The following ADGRV1 variants were observed in gnomAD, a reference collection of about 807,000 sequenced individuals.
ADGRV1 encodes the protein adhesion G protein-coupled receptor V1, also known as G-protein coupled receptor 98.
In ADGRV1, 359 loss-of-function variants were observed where a neutral mutation model predicts 596.2. That is an observed-to-expected ratio of 0.60 (90% CI 0.55 to 0.66). The LOEUF (loss-of-function observed/expected upper bound fraction) is 0.66, where lower values mean the gene tolerates loss of function less well. Among genes scored for constraint, ADGRV1 ranks in the 30% least tolerant of loss-of-function variants. The probability of loss-of-function intolerance (pLI) is 0.00; values close to 1 mark genes in which losing one functional copy is unlikely to be tolerated. For synonymous variants in ADGRV1, 2,681 were observed against 2,679.2 expected (o/e 1.00, Z -0.02); for missense variants, 7,274 against 7,575.6 (o/e 0.96, Z 1.48).
Position 91,100,252 on chromosome 5 carries a change from T to C in ADGRV1, c.18311-1967T>C, listed in dbSNP as rs142007796. ...GCCGGGGCAACATGGCGAAACCCCATCTATACAAAAAGTACAAAAATTAAG... is the reference window on the plus strand; with the variant it reads ...GCCGGGGCAACATGGCGAAACCCCACCTATACAAAAAGTACAAAAATTAAG... On this transcript the variant is annotated intron_variant, in intron 86 of 89. Coordinates refer to ENST00000405460, the MANE Select transcript of ADGRV1 (RefSeq NM_032119.4). Among the ~76,000 whole-genome samples, 91 of 152,172 alleles carry C rather than the reference T, an allele frequency of 6.0e-4. 3 individuals carry two copies. In the East Asian group the frequency reaches 0.017, roughly 28 times the overall value.
intron 61 of ADGRV1, among the ~76,000 whole-genome samples, chr5:90,777,383 A>G (rs980519644): frequency 2.6e-5 from 4 of 152,176 alleles, no homozygotes; most frequent in Admixed American, 2.6e-4. Context: ...AGGGCCTATC[A>G]TATAACTAAA....
intron 53 of ADGRV1, among the ~76,000 whole-genome samples, chr5:90,751,725 T>TC (rs1208001118): frequency 6.6e-6 from 1 of 152,064 alleles, no homozygotes; most frequent in Middle Eastern, 3.2e-3. Flanking sequence ...CATGGAACTG[T>TC]CTCAAAAAAA....
chr5:90,967,868 C>A (rs1176559753), intron 84 of ADGRV1, among the ~76,000 whole-genome samples: 2 of 152,166 alleles, frequency 1.3e-5, no homozygotes, highest in Non-Finnish European at 2.9e-5. Flanking sequence ...TTAACAATAA[C>A]AACTACTGTA....
chr5:90,876,694 C>G (rs1290149148), intron 83 of ADGRV1, among the ~76,000 whole-genome samples: 1 of 152,148 alleles, frequency 6.6e-6, no homozygotes, highest in Non-Finnish European at 1.5e-5. Context: ...CAGATGAGGT[C>G]AAGCAAGTCT....
intron 83 of ADGRV1, among the ~76,000 whole-genome samples, chr5:90,915,444 T>A (rs1250513456): frequency 6.6e-6 from 1 of 152,170 alleles, no homozygotes; most frequent in Non-Finnish European, 1.5e-5. Flanking sequence ...CTGTGTCCTT[T>A]GGTCAGGAAT....
chr5:91,015,849 G>A (rs1353958467), intron 85 of ADGRV1, among the ~76,000 whole-genome samples: 3 of 151,928 alleles, frequency 2.0e-5, no homozygotes, highest in Non-Finnish European at 4.4e-5. Flanking sequence ...TTTAAATGGG[G>A]CATTTAGCTT....
At chr5:90,770,675 A>T (rs909573496) in intron 59 of ADGRV1, among the ~76,000 whole-genome samples, 3 of 152,258 alleles carry the variant, frequency 2.0e-5, no homozygotes, top group Admixed American at 1.3e-4. Context: ...CTGTAAAAAT[A>T]TATGTGCTCA....
chr5:90,631,768 C>T (rs922753533), intron 9 of ADGRV1, among the ~76,000 whole-genome samples: 13 of 152,128 alleles, frequency 8.5e-5, no homozygotes, highest in South Asian at 4.2e-4. Flanking sequence ...CAAATGGCCA[C>T]GCACATGACT....
intron 45 of ADGRV1, 86 bp downstream of exon 45, chr5:90,721,145 T>C (rs1159258170): frequency 8.7e-7 from 1 of 1,152,638 alleles, no homozygotes; most frequent in Non-Finnish European, 1.2e-6. Flanking sequence ...TTGAATTGTA[T>C]GTTATTGATC....
At chr5:91,041,283 A>G (rs1343360293) in intron 85 of ADGRV1, among the ~76,000 whole-genome samples, 1 of 152,198 alleles carries the variant, frequency 6.6e-6, no homozygotes, top group Non-Finnish European at 1.5e-5. Context: ...TGGCACATAT[A>G]CACCATGGAA....
chr5:90,683,497 T>C, intron 27 of ADGRV1, 89 bp from the exon 28 acceptor site: 1 of 1,031,840 alleles, frequency 9.7e-7, no homozygotes, highest in Non-Finnish European at 1.4e-6. Context: ...AAAATAAAAT[T>C]GTGCTGCTAT....
chr5:90,861,304 A>G (rs555256135), intron 82 of ADGRV1, among the ~76,000 whole-genome samples: 9 of 146,532 alleles, frequency 6.1e-5, no homozygotes, highest in African/African-American at 2.2e-4. Flanking sequence ...TTATTTATCT[A>G]TTTTTTTTTT....
chr5:90,929,081 TTTTG>T (rs1426184247), intron 83 of ADGRV1, among the ~76,000 whole-genome samples: 3 of 147,846 alleles, frequency 2.0e-5, no homozygotes, highest in African/African-American at 7.4e-5. Flanking sequence ...ACTGCTGTCT[TTTTG>T]TTTGTCTGTG....
intron 75 of ADGRV1, among the ~76,000 whole-genome samples, chr5:90,816,908 G>C (rs1251575077): frequency 6.6e-6 from 1 of 152,008 alleles, no homozygotes; most frequent in East Asian, 1.9e-4. Flanking sequence ...ATGATCTATA[G>C]TCCTTTGGGT....
At position 90,855,862 on chromosome 5, in the gene ADGRV1, A is replaced by G. The variant is rs1282078094; in HGVS notation, c.17716A>G (p.Asn5906Asp). 1.2e-6 allele frequency: 2 copies of G among 1,612,680 alleles called. No individual in the cohort carries two copies. The highest frequency in any genetic ancestry group is 1.3e-5 in the African/African-American group (1 of 75,004). Residue 5906 changes from asparagine to aspartate, a missense_variant, in exon 82 of 90, where the codon AAT (asparagine) becomes GAT (aspartate). Physicochemically the swap from Asn to Asp is conservative, Grantham distance 23. Around this residue, in one of 5 missense-constraint regions of ADGRV1, gnomAD observed 1,874 missense variants for 1,970.2 expected, o/e 0.95. Transcript: ENST00000405460. ...YARTDNLSSY[N>D]EAFFTSGFIC... is the part of the protein sequence containing the mutation. ...TCGGACTGACAACTTGTCTTCATACAATGAAGCCTTCTTCACTTCTGGATT... is the reference window on the plus strand; with the variant it reads ...TCGGACTGACAACTTGTCTTCATACGATGAAGCCTTCTTCACTTCTGGATT...
Position 90,965,464 on chromosome 5 carries a change from G to C in ADGRV1, c.17906G>C (p.Ser5969Thr). ...AYASPQLAEE[S>T]CSAMAAVTHY... The stretch of plus-strand genomic sequence containing the variant: ...GCAAGTCCCCAACTCGCTGAGGAGA[G>C]CTGTTCAGCTATGGCTGCTGTCACA... Residue 5969 changes from serine (S) to threonine (T), a missense_variant, in exon 84 of 90, where the codon AGC (serine) becomes ACC (threonine). Physicochemically the swap from Ser to Thr is moderately conservative, Grantham distance 58. Around this residue, in one of 5 missense-constraint regions of ADGRV1, gnomAD observed 1,874 missense variants for 1,970.2 expected, o/e 0.95. Coordinates refer to ENST00000405460, the MANE Select transcript of ADGRV1 (RefSeq NM_032119.4). 1 of 1,613,844 alleles carries C rather than the reference G, an allele frequency of 6.2e-7. No individual in the cohort carries two copies. The highest frequency in any genetic ancestry group is 8.5e-7 in the Non-Finnish European group (1 of 1,179,766).
At chr5:90,665,789 G>A (rs60995922) in intron 21 of ADGRV1, among the ~76,000 whole-genome samples, 81,672 of 148,430 alleles carry the variant, frequency 0.55, 23,193 homozygotes, top group East Asian at 0.8. Flanking sequence ...CTTTGAATGC[G>A]TCCCAGAGAT....
intron 1 of ADGRV1, among the ~76,000 whole-genome samples, chr5:90,601,223 G>A (rs1761365224): frequency 6.6e-6 from 1 of 150,404 alleles, no homozygotes; most frequent in African/African-American, 2.4e-5. Context: ...GGCAACAAGA[G>A]TGAAACTCCA....
chr5:90,632,121 G>A (rs535419316), intron 9 of ADGRV1, among the ~76,000 whole-genome samples: 1 of 152,182 alleles, frequency 6.6e-6, no homozygotes, highest in South Asian at 2.1e-4. Context: ...ATTCCCATAA[G>A]TATATGTTTA....
Sources: gnomAD v4.1 joint callset for allele counts (sites outside exome capture counted in the v4.1 genomes callset) on GRCh38, gnomAD v4.1.1 for gene constraint, gnomAD v4.1.1 regional missense constraint, MANE v1.5 for transcripts, NCBI Gene and HGNC (gene_info 2026-07-23, HGNC 2026-07-21) for gene names.